Variants in CTPS1 observed in about 807,000 individuals in gnomAD.
The protein encoded by CTPS1 is CTP synthase 1.
CTPS1 carries 25 observed loss-of-function variants against 80.5 expected under a neutral mutation model. The observed-to-expected ratio is 0.31, with a 90% CI of 0.23 to 0.43. The LOEUF (loss-of-function observed/expected upper bound fraction) is 0.43, where lower values mean the gene tolerates loss of function less well. Among genes scored for constraint, CTPS1 ranks in the 20% least tolerant of loss-of-function variants. The pLI, the probability that CTPS1 is intolerant of heterozygous loss-of-function variation, is 1.00. For synonymous variants in CTPS1, 267 were observed against 252.5 expected (o/e 1.06, Z -0.54); for missense variants, 442 against 725.7 (o/e 0.61, Z 4.49).
chr1:40,984,865 C>A lies in CTPS1; in HGVS notation c.211C>A (p.Leu71Met). Residue 71 changes from leucine (L) to methionine (M), a missense_variant, in exon 3 of 19, where the codon CTG becomes ATG. Physicochemically the swap from Leu to Met is conservative, Grantham distance 15. This residue lies in a region of CTPS1 where 69 missense variants were observed against 102.1 expected (regional missense o/e 0.68). Coordinates refer to ENST00000650070, the MANE Select transcript of CTPS1 (RefSeq NM_001905.4). ...LDDGGEVDLD[L>M]GNYERFLDIR... Reference sequence around the variant, plus strand: ...TGATGGTGGGGAAGTAGACCTTGACCTGGGTAACTATGAGCGGTTCCTTGA... The same window carrying A: ...TGATGGTGGGGAAGTAGACCTTGACATGGGTAACTATGAGCGGTTCCTTGA... 1 of 1,594,256 alleles carries A rather than the reference C, an allele frequency of 6.3e-7. No homozygotes were observed. The highest frequency in any genetic ancestry group is 1.3e-5 in the African/African-American group (1 of 74,660).
chr1:40,984,765 G>C (rs754557223), intron 2 of CTPS1, 56 bp from the exon 3 acceptor site: 45 of 1,304,330 alleles, frequency 3.5e-5, no homozygotes, highest in Non-Finnish European at 4.5e-5. Flanking sequence ...GATTGCAGTT[G>C]TGCCATGGTA....
chr1:40,987,385 C>T lies in CTPS1; in HGVS notation c.351C>T (p.Ile117=), dbSNP rs770231918. The T allele has an allele frequency of 4.3e-6, 7 of 1,613,464 alleles. No individual in the cohort carries two copies. Among genetic ancestry groups the T allele is most frequent in the African/African-American group, 4.0e-5 (3 of 74,918 alleles). ...TCTTTTTCCCAGTTGTCCCTCATATCACAGATGCAATCCAGGAGTGGGTGA... is the reference window on the plus strand; with the variant it reads ...TCTTTTTCCCAGTTGTCCCTCATATTACAGATGCAATCCAGGAGTGGGTGA... ...LGKTVQVVPH[I]TDAIQEWVMR... The change falls in exon 4 of 19, where the codon ATC becomes ATT. Residue 117 remains isoleucine (I), a synonymous_variant. Coordinates refer to ENST00000650070, the MANE Select transcript of CTPS1 (RefSeq NM_001905.4).
chr1:40,987,436 T>G lies in CTPS1; in HGVS notation c.402T>G (p.Asp134Glu). ...WVMRQALIPV[D>E]EDGLEPQVCV... ...TGAGACAGGCGTTAATACCTGTAGA[T>G]GAAGATGGCCTGGAACCTCAAGTGT... is the stretch of plus-strand genomic sequence containing the variant. The change falls in exon 4 of 19, where the codon GAT (aspartate) becomes GAG (glutamate). Residue 134 changes from aspartate to glutamate, a missense_variant. Coordinates refer to ENST00000650070, the MANE Select transcript of CTPS1 (RefSeq NM_001905.4). 6.2e-7 allele frequency: 1 copy of G among 1,614,028 alleles called. No individual in the cohort carries two copies. The highest frequency in any genetic ancestry group is 8.5e-7 in the Non-Finnish European group (1 of 1,179,902).
At chr1:40,991,013 T>C (rs1180738931) in intron 5 of CTPS1, 152 bp from the exon 6 acceptor site, 2 of 621,660 alleles carry the variant, frequency 3.2e-6, no homozygotes, top group African/African-American at 1.9e-5. Context: ...CTAAAATGCA[T>C]GCATGTGTAA....
intron 1 of CTPS1, among the ~76,000 whole-genome samples, chr1:40,981,534 C>G (rs1642290916): frequency 6.6e-6 from 1 of 151,992 alleles, no homozygotes; most frequent in Non-Finnish European, 1.5e-5. Context: ...TAAAATGTAC[C>G]TAAGACTGAT....
intron 9 of CTPS1, among the ~76,000 whole-genome samples, chr1:40,998,235 T>TA (rs142543651): frequency 0.05 from 7,656 of 151,846 alleles, 645 homozygotes; most frequent in African/African-American, 0.18. Context: ...TGTCTCTACT[T>TA]ACAATACAAA....
At position 40,988,635 on chromosome 1, in the gene CTPS1, T is replaced by A; in HGVS notation, c.480T>A (p.Ile160=). Residue 160 remains isoleucine, a synonymous_variant, in exon 5 of 19, where the codon ATT becomes ATA. Transcript: ENST00000650070. The part of the protein sequence containing the change: ...TVGDIESMPF[I]EAFRQFQFKV... ...GGGACATAGAAAGCATGCCCTTTAT[T>A]GAGGCCTTCCGTCAGTTCCAATTCA... is the stretch of plus-strand genomic sequence containing the variant. 1 of 1,614,204 alleles carries A rather than the reference T, an allele frequency of 6.2e-7. No homozygotes were observed. The highest frequency in any genetic ancestry group is 8.5e-7 in the Non-Finnish European group (1 of 1,180,030).
chr1:41,000,134 C>T lies in CTPS1; in HGVS notation c.1006-895C>T, dbSNP rs750882426. Among the ~76,000 whole-genome samples, 95 of 152,320 alleles carry T rather than the reference C, an allele frequency of 6.2e-4. 1 individual carries two copies. Among genetic ancestry groups the T allele is most frequent in the African/African-American group, 2.2e-3 (90 of 41,568 alleles). On this transcript the variant is annotated intron_variant, in intron 9 of 18. Transcript: ENST00000650070. ...ATATGATGTTCTATAAGAGGCAAAACGAATCTGTGATGATAGAAATTGGAT... is the reference window on the plus strand; with the variant it reads ...ATATGATGTTCTATAAGAGGCAAAATGAATCTGTGATGATAGAAATTGGAT...
chr1:41,000,945 A>G, intron 9 of CTPS1, 84 bp from the exon 10 acceptor site: 1 of 831,846 alleles, frequency 1.2e-6, no homozygotes, highest in Non-Finnish European at 1.8e-6. Context: ...CAACTTTGAT[A>G]AAATGATAAT....
chr1:41,009,400 C>G, intron 16 of CTPS1, 45 bp from the exon 17 acceptor site: 1 of 1,514,116 alleles, frequency 6.6e-7, no homozygotes, highest in Non-Finnish European at 8.8e-7. Flanking sequence ...ACACTTTGTG[C>G]ATAACCTTCA....
At chr1:40,996,286 C>A (rs961660166) in intron 8 of CTPS1, among the ~76,000 whole-genome samples, 1 of 152,198 alleles carries the variant, frequency 6.6e-6, no homozygotes, top group African/African-American at 2.4e-5. Context: ...AGGTGCCGGG[C>A]CTCCAGACAA....
At chr1:40,995,253 C>G (rs1319717465) in intron 7 of CTPS1, among the ~76,000 whole-genome samples, 1 of 152,180 alleles carries the variant, frequency 6.6e-6, no homozygotes, top group Non-Finnish European at 1.5e-5. Flanking sequence ...GGTTCTGGCT[C>G]TGTTGCCCAG....
rs536100511 is a variant in CTPS1 at position 40,988,127 on chromosome 1, T to C, written c.439-467T>C. Among the ~76,000 whole-genome samples, 4 of 152,264 alleles carry C rather than the reference T, an allele frequency of 2.6e-5. No individual in the cohort carries two copies. In the East Asian group the frequency reaches 5.8e-4, roughly 22 times the overall value. On this transcript the variant is annotated intron_variant, in intron 4 of 18. Transcript: ENST00000650070. ...CAGGGTTTCGTCATTTTGCCCAGGA[T>C]GGTCTCTAACTCCTGAACTCAAGCC...
intron 1 of CTPS1, chr1:40,981,901 A>G (rs1031168676): frequency 9.6e-7 from 1 of 1,038,874 alleles, no homozygotes; most frequent in Non-Finnish European, 1.3e-6. Context: ...TTCGAGCACA[A>G]CTCCTTAGTT....
chr1:40,987,112 C>T lies in CTPS1; in HGVS notation c.338-260C>T, dbSNP rs185006489. On this transcript the variant is annotated intron_variant, in intron 3 of 18. Transcript: ENST00000650070. Reference sequence around the variant, plus strand: ...GGTAGACTCTGCACAGGGGCACGTGCGCCTGTGTGGCTCAGGACACTGCTG... The same window carrying T: ...GGTAGACTCTGCACAGGGGCACGTGTGCCTGTGTGGCTCAGGACACTGCTG... Among the ~76,000 whole-genome samples, 41 of 152,294 alleles carry T rather than the reference C, an allele frequency of 2.7e-4. 1 individual carries two copies. In the East Asian group the frequency reaches 2.9e-3, roughly 11 times the overall value.
rs1229612141 is a variant in CTPS1 at position 40,984,940 on chromosome 1, T to G, written c.286T>G (p.Tyr96Asp). The part of the protein sequence containing the change: ...NNLTTGKIYQ[Y>D]VINKERKGDY... ...TCTGACCACTGGAAAGATATACCAG[T>G]ATGTCATTAACAAGGAACGGAAAGG... The change falls in exon 3 of 19, where the codon TAT (tyrosine) becomes GAT (aspartate). Residue 96 changes from tyrosine (Y) to aspartate (D), a missense_variant. By Grantham distance (160) the Tyr-to-Asp change is radical. Coordinates refer to ENST00000650070, the MANE Select transcript of CTPS1 (RefSeq NM_001905.4). 6.2e-7 allele frequency: 1 copy of G among 1,601,186 alleles called. No individual in the cohort carries two copies. The highest frequency in any genetic ancestry group is 8.5e-7 in the Non-Finnish European group (1 of 1,171,268).
rs759823955 is a variant in CTPS1 at position 40,979,760 on chromosome 1, C to T, written c.-83C>T. Reference sequence around the variant, plus strand: ...GCATGCGGTCGGGGTTGTTCACTGGCTGTCCGGGGCTCCGCGCGCGTCGCC... The same window carrying T: ...GCATGCGGTCGGGGTTGTTCACTGGTTGTCCGGGGCTCCGCGCGCGTCGCC... On this transcript the variant is annotated 5_prime_UTR_variant, in exon 1 of 19. Coordinates refer to ENST00000650070, the MANE Select transcript of CTPS1 (RefSeq NM_001905.4). 6.6e-6 allele frequency: 1 copy of T among 152,274 alleles called. No homozygotes were observed. The highest frequency in any genetic ancestry group is 1.5e-5 in the Non-Finnish European group (1 of 68,086). 9.4% of individuals were successfully genotyped at this position (152,274 alleles called of 1,614,324 possible).
chr1:41,005,336 C>T (rs531365646), intron 12 of CTPS1, among the ~76,000 whole-genome samples: 3 of 151,878 alleles, frequency 2.0e-5, no homozygotes, highest in Non-Finnish European at 2.9e-5. Flanking sequence ...CCCAGCTACT[C>T]GGGAGGCTGA....
chr1:40,982,116 G>C, intron 1 of CTPS1: 2 of 626,170 alleles, frequency 3.2e-6, no homozygotes, highest in African/African-American at 3.8e-5. Context: ...TCCGTGGTGA[G>C]CCTGTCACGG....
Sources: allele counts gnomAD v4.1 joint callset (sites outside exome capture counted in the v4.1 genomes callset), GRCh38; gene constraint gnomAD v4.1.1; regional missense constraint gnomAD v4.1.1; transcripts MANE v1.5; gene names NCBI Gene and HGNC (gene_info 2026-07-23, HGNC 2026-07-21).